DMD: variants seen among roughly 807,000 people sequenced by gnomAD.
The protein encoded by DMD is mutant dystrophin.
Under a neutral mutation model 330.1 loss-of-function variants are expected in DMD, and 63 were observed. The ratio of observed to expected loss-of-function variants is 0.19; its 90% CI spans 0.16 to 0.24. The LOEUF is 0.24. Among genes scored for constraint, DMD ranks in the 10% least tolerant of loss-of-function variants. The pLI, the probability that DMD is intolerant of heterozygous loss-of-function variation, is 1.00. For synonymous variants in DMD, 1,223 were observed against 959.8 expected (o/e 1.27, Z -5.07); for missense variants, 3,344 against 2,684.1 (o/e 1.25, Z -5.43).
intron 47 of DMD, among the ~76,000 whole-genome samples, chrX:31,900,384 T>G (rs1343630456): frequency 9.0e-6 from 1 of 110,860 alleles, no homozygotes; most frequent in Non-Finnish European, 1.9e-5. Context: ...TCATGAGATC[T>G]GATGGTTTTG....
chrX:31,329,619 C>A (rs374642422), intron 61 of DMD, among the ~76,000 whole-genome samples: 21 of 111,231 alleles, frequency 1.9e-4, no homozygotes, highest in African/African-American at 5.9e-4. Flanking sequence ...ATCTGCTGTA[C>A]AACATAGTGC....
At chrX:31,181,554 G>GT (rs201665386) in intron 68 of DMD, among the ~76,000 whole-genome samples, 2,282 of 111,069 alleles carry the variant, frequency 0.021, 58 homozygotes, top group African/African-American at 0.069. Flanking sequence ...CACCCCCATG[G>GT]TATCATTTTT....
At chrX:32,156,293 T>C (rs1045793810) in intron 44 of DMD, among the ~76,000 whole-genome samples, 2 of 111,751 alleles carry the variant, frequency 1.8e-5, no homozygotes, top group African/African-American at 6.5e-5. Context: ...GGTAGGAGAA[T>C]CTTTTGAACC....
At position 31,712,865 on chromosome X, in the gene DMD, C is replaced by G. The variant is rs192454625; in HGVS notation, c.7660+16766G>C. Among the ~76,000 whole-genome samples, 20 of 111,391 alleles carry G rather than the reference C, an allele frequency of 1.8e-4. 1 individual carries two copies. The Admixed American group carries it at 1.9e-3, about 11-fold the overall frequency. On this transcript the variant is annotated intron_variant, in intron 52 of 78. Coordinates refer to ENST00000357033, the MANE Select transcript of DMD (RefSeq NM_004006.3). ...ATCATTAAGGAAACAAAGTCCTGCT[C>G]CATATCGAGACATTAAAATTAGAAT...
Position 31,283,609 on chromosome X carries a change from T to G in DMD, c.9225-22593A>C, listed in dbSNP as rs2052794757. On this transcript the variant is annotated intron_variant, in intron 62 of 78. Coordinates refer to ENST00000357033, the MANE Select transcript of DMD (RefSeq NM_004006.3). Reference sequence around the variant, plus strand: ...CTTCATCATGATTTATTTTCTAATATGAGATTAATGTTAAGGACCATAAAC... The same window carrying G: ...CTTCATCATGATTTATTTTCTAATAGGAGATTAATGTTAAGGACCATAAAC... 2.7e-5 allele frequency among the ~76,000 whole-genome samples: 3 copies of G among 111,601 alleles called. No individual in the cohort carries two copies. In the Admixed American group the frequency reaches 2.9e-4, roughly 11 times the overall value.
chrX:31,264,971 C>A (rs1214468570), intron 62 of DMD, among the ~76,000 whole-genome samples: 1 of 112,678 alleles, frequency 8.9e-6, no homozygotes, highest in African/African-American at 3.2e-5. Context: ...CAAATATCTA[C>A]TGCTGTGGCT....
At chrX:32,345,545 G>A (rs768436342) in intron 39 of DMD, among the ~76,000 whole-genome samples, 6 of 110,945 alleles carry the variant, frequency 5.4e-5, no homozygotes, top group African/African-American at 2.0e-4. Flanking sequence ...CCAAAAAATT[G>A]GACCTAATGC....
At chrX:31,217,228 C>T (rs1301100403) in intron 64 of DMD, among the ~76,000 whole-genome samples, 1 of 111,907 alleles carries the variant, frequency 8.9e-6, no homozygotes, top group Non-Finnish European at 1.9e-5. Context: ...AAGATTTTAT[C>T]TTTGTTCCTG....
At chrX:31,356,066 A>G (rs1324642116) in intron 60 of DMD, among the ~76,000 whole-genome samples, 1 of 111,131 alleles carries the variant, frequency 9.0e-6, no homozygotes, top group African/African-American at 3.3e-5. Context: ...CTTTCCTTTG[A>G]GTTTATTTCT....
chrX:31,211,374 A>G (rs1483018641), intron 64 of DMD, among the ~76,000 whole-genome samples: 3 of 112,234 alleles, frequency 2.7e-5, no homozygotes, highest in Non-Finnish European at 5.6e-5. Flanking sequence ...CATTACTGGA[A>G]GAGAGGAATG....
intron 25 of DMD, among the ~76,000 whole-genome samples, chrX:32,460,800 C>T (rs753788293): frequency 8.9e-6 from 1 of 111,758 alleles, no homozygotes; most frequent in African/African-American, 3.2e-5. Flanking sequence ...CTGTCACTCT[C>T]ATTTAAAGGG....
chrX:32,679,920 T>C (rs1302056334), intron 9 of DMD, among the ~76,000 whole-genome samples: 1 of 76,248 alleles, frequency 1.3e-5, no homozygotes, highest in African/African-American at 5.2e-5. Context: ...TTTTTTTTTT[T>C]TTTTTTTTTT....
At chrX:32,880,575 A>G (rs2083837900) in intron 2 of DMD, among the ~76,000 whole-genome samples, 1 of 111,798 alleles carries the variant, frequency 8.9e-6, no homozygotes, top group Non-Finnish European at 1.9e-5. Context: ...TGAAATACCT[A>G]TTTTTCCCAT....
At chrX:31,572,547 C>T (rs1300638016) in intron 55 of DMD, among the ~76,000 whole-genome samples, 1 of 111,927 alleles carries the variant, frequency 8.9e-6, no homozygotes, top group East Asian at 2.8e-4. Flanking sequence ...GAAAATAATT[C>T]CCCCGTTGGA....
At chrX:32,492,200 T>A (rs1411851324) in intron 19 of DMD, among the ~76,000 whole-genome samples, 1 of 110,729 alleles carries the variant, frequency 9.0e-6, no homozygotes, top group East Asian at 2.8e-4. Context: ...TAGCCGGGCG[T>A]GGTGGCGGGC....
chrX:31,716,852 CACACATATAT>C (rs2085097882), intron 52 of DMD, among the ~76,000 whole-genome samples: 1 of 97,760 alleles, frequency 1.0e-5, no homozygotes, highest in African/African-American at 3.7e-5. Flanking sequence ...CACACACACA[CACACATATAT>C]ATATATATAT....
chrX:33,305,976 A>T (rs2053756450), intron 1 of DMD, among the ~76,000 whole-genome samples: 1 of 112,148 alleles, frequency 8.9e-6, no homozygotes. Flanking sequence ...AAGGAGACAG[A>T]GAGTAGCTCC....
chrX:32,429,387 GTT>G (rs10692022), intron 29 of DMD, among the ~76,000 whole-genome samples: 9 of 44,197 alleles, frequency 2.0e-4, no homozygotes, highest in African/African-American at 4.4e-4. Context: ...TTTTTTTTGG[GTT>G]TTTTTTTTTT....
Position 32,471,910 on chromosome X carries a change from C to G in DMD, c.2949+254G>C, listed in dbSNP as rs72468670. ...AAATCAATACATCTGAAAATGCATG[C>G]TAAATTAAAAATATACTTCATAAAT... On this transcript the variant is annotated intron_variant, in intron 22 of 78. Coordinates refer to ENST00000357033, the MANE Select transcript of DMD (RefSeq NM_004006.3). 5.0e-3 allele frequency among the ~76,000 whole-genome samples: 562 copies of G among 111,658 alleles called. 2 individuals are homozygous for G. Among genetic ancestry groups the G allele is most frequent in the African/African-American group, 0.017 (527 of 30,777 alleles).
Sources: allele counts gnomAD v4.1 joint callset (sites outside exome capture counted in the v4.1 genomes callset), GRCh38; gene constraint gnomAD v4.1.1; transcripts MANE v1.5; gene names NCBI Gene and HGNC (gene_info 2026-07-23, HGNC 2026-07-21).